Variants in MUSK observed in about 807,000 individuals in gnomAD.
MUSK encodes muscle associated receptor tyrosine kinase.
A neutral mutation model predicts 88.7 loss-of-function variants in MUSK; 55 were observed. The ratio of observed to expected loss-of-function variants is 0.62; its 90% CI spans 0.50 to 0.78. The LOEUF (loss-of-function observed/expected upper bound fraction) is 0.78. MUSK is among the 30% of genes least tolerant of loss of function. The pLI, the probability that MUSK is intolerant of heterozygous loss-of-function variation, is 0.00. For synonymous variants in MUSK, 387 were observed against 391.9 expected (o/e 0.99, Z 0.15); for missense variants, 1,015 against 1,074.3 (o/e 0.94, Z 0.77).
chr9:110,697,554 G>T, intron 5 of MUSK, 88 bp downstream of exon 5: 1 of 1,386,108 alleles, frequency 7.2e-7, no homozygotes. Context: ...GGAGAGAAGA[G>T]ATGTGGGCAG....
chr9:110,686,203 T>G lies in MUSK; in HGVS notation c.207-914T>G, dbSNP rs181144847. Among the ~76,000 whole-genome samples the G allele has an allele frequency of 2.5e-3, 377 of 152,108 alleles. 5 individuals carry two copies. The highest frequency in any genetic ancestry group is 0.021 in the South Asian group (103 of 4,812). On this transcript the variant is annotated intron_variant, in intron 2 of 14. Transcript: ENST00000374448. ...CTTGGCCCCCTACTCCACTTATAAG[T>G]CTAGCAATGGCACTACTCTGACCTC...
intron 6 of MUSK, among the ~76,000 whole-genome samples, chr9:110,735,191 A>G (rs1564253889): frequency 6.6e-6 from 1 of 152,134 alleles, no homozygotes; most frequent in Non-Finnish European, 1.5e-5. Flanking sequence ...CATATGATCC[A>G]CCAATCCACT....
intron 3 of MUSK, among the ~76,000 whole-genome samples, chr9:110,693,039 G>C (rs185970880): frequency 1.3e-5 from 2 of 152,018 alleles, no homozygotes; most frequent in East Asian, 3.9e-4. Flanking sequence ...TAAGTAGGTG[G>C]GGATCTGCCT....
intron 2 of MUSK, among the ~76,000 whole-genome samples, chr9:110,686,625 C>T (rs1025326082): frequency 1.3e-5 from 2 of 152,080 alleles, no homozygotes; most frequent in African/African-American, 4.8e-5. Context: ...TCCCAAGTAA[C>T]TAGAAGTGTG....
rs549474617 is a variant in MUSK at position 110,801,244 on chromosome 9, G to T, written c.*256G>T. On this transcript the variant is annotated 3_prime_UTR_variant, in exon 15 of 15. Transcript: ENST00000374448. ...GAGACAACTATTCTTCTTCATGAAG[G>T]TTTGTAATACACACTGCACAGGGAA... The T allele has an allele frequency of 5.5e-6, 2 of 361,246 alleles. No homozygotes were observed. Among genetic ancestry groups the T allele is most frequent in the Non-Finnish European group, 1.0e-5 (2 of 200,762 alleles). The allele number at this position is 361,246 out of a possible 1,614,324, so 22.4% of individuals were successfully genotyped here.
intron 8 of MUSK, among the ~76,000 whole-genome samples, chr9:110,766,202 T>C (rs1170454193): frequency 6.6e-6 from 1 of 152,084 alleles, no homozygotes; most frequent in East Asian, 1.9e-4. Flanking sequence ...AGAGGGATTC[T>C]AGTGTCTAAG....
chr9:110,728,556 GAAAC>G (rs915399549), intron 5 of MUSK: 18 of 669,244 alleles, frequency 2.7e-5, no homozygotes, highest in Admixed American at 1.0e-4. Flanking sequence ...ATTGAAATAA[GAAAC>G]AAGCAGCTTC....
At chr9:110,753,569 T>C (rs2077275099) in intron 7 of MUSK, among the ~76,000 whole-genome samples, 1 of 152,148 alleles carries the variant, frequency 6.6e-6, no homozygotes, top group African/African-American at 2.4e-5. Context: ...TCCATGTTTA[T>C]CCAGTCTCAG....
At chr9:110,722,505 G>C (rs960599386) in intron 5 of MUSK, among the ~76,000 whole-genome samples, 1 of 151,862 alleles carries the variant, frequency 6.6e-6, no homozygotes. Context: ...ACTCCAGCCT[G>C]GGCAACAGAG....
rs62571412 is a variant in MUSK at position 110,804,468 on chromosome 9, C to T, written c.*3480C>T. 2.1e-4 allele frequency among the ~76,000 whole-genome samples: 32 copies of T among 151,902 alleles called. No individual in the cohort carries two copies. Among genetic ancestry groups the T allele is most frequent in the African/African-American group, 7.7e-4 (32 of 41,390 alleles). On this transcript the variant is annotated 3_prime_UTR_variant, in exon 15 of 15. Transcript: ENST00000374448. The stretch of plus-strand genomic sequence containing the variant: ...TCTCTTTGGTTATAGAAAAAGAGAA[C>T]CTCTTTTTAATTTTATTTTTTAAAT...
chr9:110,689,720 T>TATA (rs1479572084), intron 3 of MUSK, among the ~76,000 whole-genome samples: 3 of 57,034 alleles, frequency 5.3e-5, no homozygotes, highest in African/African-American at 4.3e-4. Flanking sequence ...ACTATATATG[T>TATA]TATATATAGT....
intron 8 of MUSK, among the ~76,000 whole-genome samples, chr9:110,765,860 C>T (rs2077474790): frequency 6.6e-6 from 1 of 152,072 alleles, no homozygotes; most frequent in South Asian, 2.1e-4. Context: ...AGGTGTGAGC[C>T]ACCACACTCA....
intron 3 of MUSK, among the ~76,000 whole-genome samples, chr9:110,687,820 T>A (rs1428044776): frequency 6.6e-6 from 1 of 152,072 alleles, no homozygotes; most frequent in East Asian, 1.9e-4. Flanking sequence ...TTTTCTTACC[T>A]TCACTCATCT....
At chr9:110,775,648 A>T (rs2077655678) in intron 9 of MUSK, 140 bp from the exon 10 acceptor site, 1 of 730,362 alleles carries the variant, frequency 1.4e-6, no homozygotes. Flanking sequence ...TTTACAGTAA[A>T]AAGTTTCTTT....
At chr9:110,750,624 T>A (rs2077236432) in intron 7 of MUSK, among the ~76,000 whole-genome samples, 1 of 152,166 alleles carries the variant, frequency 6.6e-6, no homozygotes, top group Admixed American at 6.5e-5. Context: ...CCTTCAGTAC[T>A]CCTCACAGGG....
At chr9:110,747,949 G>A (rs372690133) in intron 7 of MUSK, 149 bp downstream of exon 7, 29 of 1,082,078 alleles carry the variant, frequency 2.7e-5, no homozygotes, top group Admixed American at 1.5e-4. Flanking sequence ...GGGATACTCC[G>A]GAGGTGACCT....
chr9:110,679,165 A>C (rs572464736), intron 1 of MUSK, among the ~76,000 whole-genome samples: 2 of 152,120 alleles, frequency 1.3e-5, no homozygotes, highest in African/African-American at 4.8e-5. Flanking sequence ...TTGATATATT[A>C]GTGTCTGAAG....
At chr9:110,669,106 T>A in intron 1 of MUSK, 123 bp downstream of exon 1, 1 of 853,582 alleles carries the variant, frequency 1.2e-6, no homozygotes, top group Non-Finnish European at 2.0e-6. Context: ...GAAGTAAGGG[T>A]GAAATGTATG....
At chr9:110,742,805 ATCCGCAGT>A (rs1194165122) in intron 6 of MUSK, among the ~76,000 whole-genome samples, 2 of 152,208 alleles carry the variant, frequency 1.3e-5, no homozygotes, top group African/African-American at 4.8e-5. Context: ...GCAAAAGTAC[ATCCGCAGT>A]TCTTACGGTC....
Sources: allele counts gnomAD v4.1 joint callset (sites outside exome capture counted in the v4.1 genomes callset), GRCh38; gene constraint gnomAD v4.1.1; transcripts MANE v1.5; gene names NCBI Gene and HGNC (gene_info 2026-07-23, HGNC 2026-07-21).